ITIH5: variants seen among roughly 807,000 people sequenced by gnomAD.
ITIH5 encodes the protein inter-alpha-trypsin inhibitor heavy chain H5.
Under a neutral mutation model 77.5 loss-of-function variants are expected in ITIH5, and 65 were observed. The observed-to-expected ratio is 0.84, with a 90% CI of 0.69 to 1.03. The LOEUF is 1.03. Among genes scored for constraint, ITIH5 ranks in the 50% least tolerant of loss-of-function variants. The probability of loss-of-function intolerance (pLI) is 0.00; values close to 1 mark genes in which losing one functional copy is unlikely to be tolerated. For synonymous variants in ITIH5, 525 were observed against 494.3 expected, an observed-to-expected ratio of 1.06 and a Z score of -0.82; for missense variants, 1,208 against 1,213.1, an observed-to-expected ratio of 1.00 and a Z score of 0.06.
intron 2 of ITIH5, among the ~76,000 whole-genome samples, chr10:7,650,163 C>A (rs1834074471): frequency 6.6e-6 from 1 of 152,178 alleles, no homozygotes; most frequent in African/African-American, 2.4e-5. Context: ...TCCTGAGTCA[C>A]CCAAGATGCC....
At position 7,585,881 on chromosome 10, in the gene ITIH5, AAAG is replaced by A; in HGVS notation, c.1108+17_1108+19del. The A allele has an allele frequency of 6.3e-7, 1 of 1,574,896 alleles. No homozygotes were observed. Among genetic ancestry groups the A allele is most frequent in the Middle Eastern group, 1.7e-4 (1 of 5,860 alleles). On this transcript the variant is annotated intron_variant, in intron 8 of 13. Transcript: ENST00000397146. Reference sequence around the variant, plus strand: ...TTATTTCAAAGCCAAGCCAATGTGAAAAGAAGGTGTCATCTTTACCTCCAGTGG... The same window carrying A: ...TTATTTCAAAGCCAAGCCAATGTGAAAAGGTGTCATCTTTACCTCCAGTGG...
chr10:7,566,058 G>T lies in ITIH5; in HGVS notation c.2499C>A (p.Gly833=). 6.2e-7 allele frequency: 1 copy of T among 1,614,046 alleles called. No homozygotes were observed. The highest frequency in any genetic ancestry group is 8.5e-7 in the Non-Finnish European group (1 of 1,179,984). ...GCAGTCCGTGGCAGTTGCTGGAAAG[G>T]CCCTCGCTGTTGGCAATGTAGAAAC... is the stretch of plus-strand genomic sequence containing the variant. ...HLGFYIANSE[G]LSSNCHGLLG... Residue 833 remains glycine (G), a synonymous_variant, in exon 13 of 14, where the codon GGC becomes GGA. Transcript: ENST00000397146.
intron 1 of ITIH5, among the ~76,000 whole-genome samples, chr10:7,659,927 TAAGAAACGAGGGG>T (rs1834249150): frequency 6.6e-6 from 1 of 152,204 alleles, no homozygotes; most frequent in Non-Finnish European, 1.5e-5. Context: ...CGGTGCCTTT[TAAGAAACGAGGGG>T]TGGAGTCTGG....
rs61731873 is a variant in ITIH5, at chr10:7,566,202, C to T, written c.2355G>A (p.Gly785=). The part of the protein sequence containing the change: ...CNQSVVVGSW[G]LEVSVSANAN... ...CGTTGGCAGACACGGACACCTCCAG[C>T]CCCCAGCTCCCCACCACCACACTCT... The change falls in exon 13 of 14, where the codon GGG becomes GGA. Residue 785 remains glycine (G), a synonymous_variant. Coordinates refer to ENST00000397146, the MANE Select transcript of ITIH5 (RefSeq NM_030569.7). 2.5e-6 allele frequency: 4 copies of T among 1,613,812 alleles called. No individual in the cohort carries two copies.
intron 7 of ITIH5, among the ~76,000 whole-genome samples, chr10:7,613,002 T>C (rs567387925): frequency 6.6e-6 from 1 of 152,260 alleles, no homozygotes; most frequent in East Asian, 1.9e-4. Flanking sequence ...CCCAGCACTT[T>C]GGAAAGCTGA....
intron 5 of ITIH5, chr10:7,619,654 C>T: frequency 6.2e-6 from 2 of 320,386 alleles, no homozygotes; most frequent in Non-Finnish European, 1.3e-5. Flanking sequence ...AACACGTCTA[C>T]AAGGCGGCAG....
rs1554757772 is a variant in ITIH5 at position 7,644,798 on chromosome 10, T to TCA, written c.136-2710_136-2709dup. 9.8e-4 allele frequency among the ~76,000 whole-genome samples: 107 copies of TCA among 109,286 alleles called. 3 individuals carry two copies. The highest frequency in any genetic ancestry group is 1.3e-3 in the Non-Finnish European group (69 of 53,818). The allele number at this position is 109,286 out of a possible 152,430, so 71.7% of individuals were successfully genotyped here. Reference sequence around the variant, plus strand: ...ATATATCACATATATATCATATATATCATATATATCACATATATATCATAT... The same window carrying TCA: ...ATATATCACATATATATCATATATATCACATATATATCACATATATATCATAT... On this transcript the variant is annotated intron_variant, in intron 2 of 13. Coordinates refer to ENST00000397146, the MANE Select transcript of ITIH5 (RefSeq NM_030569.7).
At chr10:7,609,600 G>A (rs1051104370) in intron 7 of ITIH5, 85 of 391,778 alleles carry the variant, frequency 2.2e-4, no homozygotes, top group South Asian at 1.3e-3. Flanking sequence ...ACTAATTCAC[G>A]TTTGCCCTCA....
chr10:7,580,547 G>A (rs147113102), intron 8 of ITIH5, among the ~76,000 whole-genome samples: 341 of 152,354 alleles, frequency 2.2e-3, no homozygotes, highest in Middle Eastern at 6.8e-3. Flanking sequence ...AGTGAATGGG[G>A]ATTATCCCAC....
chr10:7,586,119 C>T (rs772621617), intron 7 of ITIH5, 50 bp from the exon 8 acceptor site: 4 of 1,528,480 alleles, frequency 2.6e-6, no homozygotes, highest in Non-Finnish European at 3.5e-6. Context: ...CATAAGTCCA[C>T]TTGTCCCCTG....
rs141885925 is a variant in ITIH5, at chr10:7,615,656, C to T, written c.939+326G>A. Among the ~76,000 whole-genome samples, 78 of 152,278 alleles carry T rather than the reference C, an allele frequency of 5.1e-4. No individual in the cohort carries two copies. The East Asian group carries it at 0.012, about 23-fold the overall frequency. On this transcript the variant is annotated intron_variant, in intron 7 of 13. Coordinates refer to ENST00000397146, the MANE Select transcript of ITIH5 (RefSeq NM_030569.7). ...ATTCCACTGTTCTCAAAGGAATCAT[C>T]GCTGAACAGAATTACTCCATCAATG...
intron 8 of ITIH5, among the ~76,000 whole-genome samples, chr10:7,583,924 G>A (rs1832619885): frequency 6.6e-6 from 1 of 152,180 alleles, no homozygotes; most frequent in Non-Finnish European, 1.5e-5. Context: ...ACCAGCGAGA[G>A]GGGTTACCTG....
chr10:7,624,260 C>T (rs893607757), intron 5 of ITIH5, among the ~76,000 whole-genome samples: 2 of 152,002 alleles, frequency 1.3e-5, no homozygotes, highest in African/African-American at 4.8e-5. Context: ...GTAATCCCAG[C>T]ACTTTGGGAG....
intron 6 of ITIH5, 37 bp from the exon 7 acceptor site, chr10:7,616,135 T>C (rs1364967653): frequency 8.1e-7 from 1 of 1,239,070 alleles, no homozygotes; most frequent in South Asian, 1.2e-5. Context: ...CGGTAGTACC[T>C]AGAGCGGGGA....
chr10:7,564,345 T>TG (rs1194431255), intron 13 of ITIH5, among the ~76,000 whole-genome samples: 4 of 152,262 alleles, frequency 2.6e-5, no homozygotes, highest in African/African-American at 9.6e-5. Context: ...ATATTACATA[T>TG]GTAATTTTCA....
intron 7 of ITIH5, among the ~76,000 whole-genome samples, chr10:7,607,784 G>A (rs1011094916): frequency 5.9e-5 from 9 of 152,192 alleles, no homozygotes; most frequent in African/African-American, 1.4e-4. Flanking sequence ...ATTGCACTCC[G>A]GCCTGTGCAA....
rs531594739 is a variant in ITIH5, at chr10:7,583,489, C to T, written c.1108+2412G>A. Among the ~76,000 whole-genome samples, 15 of 152,278 alleles carry T rather than the reference C, an allele frequency of 9.9e-5. No homozygotes were observed. In the South Asian group the frequency reaches 2.5e-3, roughly 25 times the overall value. On this transcript the variant is annotated intron_variant, in intron 8 of 13. Transcript: ENST00000397146. ...CTGGGACTACAGGCGCAAGCTACCA[C>T]GCCCAGCTGATTTTTTTGTATTTTA...
chr10:7,650,152 G>A (rs1337872484), intron 2 of ITIH5, among the ~76,000 whole-genome samples: 3 of 152,192 alleles, frequency 2.0e-5, no homozygotes, highest in Middle Eastern at 3.2e-3. Context: ...ACCCGAGGAT[G>A]TCCTGAGTCA....
intron 5 of ITIH5, 50 bp downstream of exon 5, chr10:7,637,178 G>A: frequency 6.4e-7 from 1 of 1,570,296 alleles, no homozygotes; most frequent in Non-Finnish European, 8.6e-7. Context: ...CCAAGGACCA[G>A]CTGGGTGTTT....
Sources: allele counts gnomAD v4.1 joint callset (sites outside exome capture counted in the v4.1 genomes callset), GRCh38; gene constraint gnomAD v4.1.1; transcripts MANE v1.5; gene names NCBI Gene and HGNC (gene_info 2026-07-23, HGNC 2026-07-21).